RIPOR2: variants seen among roughly 807,000 people sequenced by gnomAD.
The protein encoded by RIPOR2 is rho family-interacting cell polarization regulator 2.
Under a neutral mutation model 114.5 loss-of-function variants are expected in RIPOR2, and 39 were observed. The ratio of observed to expected loss-of-function variants is 0.34; its 90% CI spans 0.26 to 0.44. The LOEUF (loss-of-function observed/expected upper bound fraction) is 0.44. Ranked by LOEUF, RIPOR2 falls within the 20% of genes least tolerant of loss-of-function variation. RIPOR2 has a pLI of 1.00. For synonymous variants in RIPOR2, 445 were observed against 484.4 expected (o/e 0.92, Z 1.07); for missense variants, 1,007 against 1,255.1 (o/e 0.80, Z 2.99).
At chr6:24,845,116 C>CT (rs1762130101) in intron 12 of RIPOR2, among the ~76,000 whole-genome samples, 1 of 152,002 alleles carries the variant, frequency 6.6e-6, no homozygotes, top group Admixed American at 6.6e-5. Flanking sequence ...TGATGTGTCA[C>CT]TGGACACTTG....
intron 1 of RIPOR2, among the ~76,000 whole-genome samples, chr6:24,950,572 T>A (rs1380107897): frequency 2.0e-5 from 3 of 152,194 alleles, no homozygotes; most frequent in Non-Finnish European, 4.4e-5. Flanking sequence ...CTCACTTTAC[T>A]GATGCAGAGA....
At chr6:24,835,405 T>G (rs1761031746) in intron 15 of RIPOR2, among the ~76,000 whole-genome samples, 1 of 152,140 alleles carries the variant, frequency 6.6e-6, no homozygotes, top group African/African-American at 2.4e-5. Context: ...TACAAATGGC[T>G]TCCCCCCACC....
At chr6:24,941,862 G>C (rs569401585) in intron 1 of RIPOR2, among the ~76,000 whole-genome samples, 3 of 152,222 alleles carry the variant, frequency 2.0e-5, no homozygotes, top group African/African-American at 7.2e-5. Flanking sequence ...ATTTCTTGGT[G>C]TGGGAGCTAC....
intron 13 of RIPOR2, 101 bp downstream of exon 13, chr6:24,842,761 G>T: frequency 1.8e-6 from 1 of 567,160 alleles, no homozygotes; most frequent in Non-Finnish European, 2.8e-6. Context: ...TCCTGTGATT[G>T]GACAGGATTT....
intron 1 of RIPOR2, among the ~76,000 whole-genome samples, chr6:25,018,047 C>G (rs929240338): frequency 6.6e-6 from 1 of 152,192 alleles, no homozygotes; most frequent in African/African-American, 2.4e-5. Flanking sequence ...CTAGGAAAGC[C>G]ATAGCATTGA....
At chr6:25,024,079 T>A (rs1776473955) in intron 1 of RIPOR2, 1 of 775,158 alleles carries the variant, frequency 1.3e-6, no homozygotes, top group Non-Finnish European at 2.4e-6. Flanking sequence ...GCCCTTTATC[T>A]GGGGGACCAG....
rs1345356748 is a variant in RIPOR2, at chr6:24,890,814, C to T, written c.62-14997G>A. 2.0e-5 allele frequency among the ~76,000 whole-genome samples: 3 copies of T among 148,898 alleles called. No homozygotes were observed. In the South Asian group the frequency reaches 6.6e-4, roughly 33 times the overall value. ...GGACTACAGGCACATGCCACCACTC[C>T]CAGCGAATTTTTAAAATTGTTTGTA... On this transcript the variant is annotated intron_variant, in intron 1 of 21. Coordinates refer to ENST00000643898, the MANE Select transcript of RIPOR2 (RefSeq NM_001286445.3).
At chr6:24,951,914 TGCTTACCTTCC>T (rs963809862) in intron 1 of RIPOR2, among the ~76,000 whole-genome samples, 1 of 152,210 alleles carries the variant, frequency 6.6e-6, no homozygotes, top group Non-Finnish European at 1.5e-5. Flanking sequence ...GACCCCACCC[TGCTTACCTTCC>T]GCTGGATCCA....
rs368367404 is a variant in RIPOR2, at chr6:24,992,615, C to T, written c.76+49236G>A. 9.4e-4 allele frequency among the ~76,000 whole-genome samples: 143 copies of T among 152,200 alleles called. 1 individual carries two copies. Among genetic ancestry groups the T allele is most frequent in the African/African-American group, 3.0e-3 (124 of 41,520 alleles). On this transcript the variant is annotated intron_variant, in intron 1 of 13. Coordinates refer to the RIPOR2 transcript ENST00000510784. ...TCTCATGCTTATGAATAGGAAGAAT[C>T]GATATCATTAAAATGGCCATACTGC...
intron 7 of RIPOR2, among the ~76,000 whole-genome samples, chr6:24,862,516 T>C (rs1764168136): frequency 6.6e-6 from 1 of 152,230 alleles, no homozygotes; most frequent in Admixed American, 6.5e-5. Flanking sequence ...GGCATTGCTT[T>C]TTCCCTTGTA....
intron 8 of RIPOR2, among the ~76,000 whole-genome samples, chr6:24,856,744 A>G (rs4537125): frequency 0.84 from 127,299 of 152,166 alleles, 53,318 homozygotes; most frequent in African/African-American, 0.86. Context: ...GACACAGCGA[A>G]ACTCTGTCTC....
intron 1 of RIPOR2, among the ~76,000 whole-genome samples, chr6:25,007,255 C>G (rs1010959489): frequency 4.1e-4 from 63 of 152,160 alleles, no homozygotes; most frequent in Non-Finnish European, 2.9e-5. Context: ...ACACGGTAAG[C>G]TGGATCTTCT....
At chr6:24,949,489 G>T (rs552333922) in intron 1 of RIPOR2, among the ~76,000 whole-genome samples, 1 of 152,296 alleles carries the variant, frequency 6.6e-6, no homozygotes, top group South Asian at 2.1e-4. Flanking sequence ...GGGTCTCAGG[G>T]CTTTTCAGGA....
intron 1 of RIPOR2, among the ~76,000 whole-genome samples, chr6:24,956,458 T>C (rs1773048618): frequency 1.3e-5 from 2 of 152,226 alleles, no homozygotes; most frequent in Non-Finnish European, 2.9e-5. Context: ...TGAGATATGA[T>C]GAGCTGACAT....
Position 24,805,165 on chromosome 6 carries a change from T to C in RIPOR2, c.*1208A>G, listed in dbSNP as rs1780695565. 1 of 152,156 alleles carries C rather than the reference T, an allele frequency of 6.6e-6. No homozygotes were observed. The highest frequency in any genetic ancestry group is 1.5e-5 in the Non-Finnish European group (1 of 68,026). 9.4% of individuals were successfully genotyped at this position (152,156 alleles called of 1,614,324 possible). A position where few individuals can be genotyped will look rare whatever the true frequency, so the allele number is the denominator to read the frequency against. On this transcript the variant is annotated 3_prime_UTR_variant, in exon 22 of 22. Transcript: ENST00000643898. ...TCACAGGTTTGTGAATCTACAGCTT[T>C]TGGTTTTGATTTGTCTTAGCAGCAA...
chr6:24,942,329 A>G (rs997694307), intron 1 of RIPOR2, among the ~76,000 whole-genome samples: 1 of 152,194 alleles, frequency 6.6e-6, no homozygotes, highest in Non-Finnish European at 1.5e-5. Context: ...TTATTACATG[A>G]TATTTGACAT....
In RIPOR2 at chr6:24,873,924, A is replaced by C. The variant is rs35583219; in HGVS notation, c.189-125T>G. On this transcript the variant is annotated intron_variant, in intron 2 of 21. Transcript: ENST00000643898. Reference sequence around the variant, plus strand: ...AGTCTTCTTCTGTCATCCAGGCTGGAGTATGGTGGTGTGATCATAGCTCAC... The same window carrying C: ...AGTCTTCTTCTGTCATCCAGGCTGGCGTATGGTGGTGTGATCATAGCTCAC... The C allele has an allele frequency of 0.13, 108,510 of 807,620 alleles. 7,862 individuals carry two copies. Among genetic ancestry groups the C allele is most frequent in the South Asian group, 0.15 (7,903 of 54,050 alleles). The allele number at this position is 807,620 out of a possible 1,614,324, so 50.0% of individuals were successfully genotyped here. A position where few individuals can be genotyped will look rare whatever the true frequency, so the allele number is the denominator to read the frequency against.
At chr6:24,919,091 C>T (rs1770296891) in intron 1 of RIPOR2, among the ~76,000 whole-genome samples, 1 of 152,228 alleles carries the variant, frequency 6.6e-6, no homozygotes. Context: ...TGCAGCACAG[C>T]TTGCTCAACC....
At chr6:25,000,661 G>A (rs1448419634) in intron 1 of RIPOR2, among the ~76,000 whole-genome samples, 1 of 145,290 alleles carries the variant, frequency 6.9e-6, no homozygotes, top group Non-Finnish European at 1.5e-5. Flanking sequence ...TTTTCTTCCC[G>A]TGCTGGCTTT....
Sources: gnomAD v4.1 joint callset for allele counts (sites outside exome capture counted in the v4.1 genomes callset) on GRCh38, gnomAD v4.1.1 for gene constraint, MANE v1.5 for transcripts, NCBI Gene and HGNC (gene_info 2026-07-23, HGNC 2026-07-21) for gene names.